The following CREG2 variants were observed in gnomAD, a reference collection of about 807,000 sequenced individuals.
CREG2 encodes cellular repressor of E1A stimulated genes 2.
Under a neutral mutation model 26.2 loss-of-function variants are expected in CREG2, and 24 were observed. The ratio of observed to expected loss-of-function variants is 0.92; its 90% CI spans 0.66 to 1.29. The LOEUF (loss-of-function observed/expected upper bound fraction) is 1.29, where lower values mean the gene tolerates loss of function less well. Ranked by LOEUF, CREG2 falls within the 50% of genes most tolerant of loss-of-function variation. The pLI is 0.00. For missense variants in CREG2, 366 were observed against 398.6 expected, an observed-to-expected ratio of 0.92 and a Z score of 0.70; for synonymous variants, 174 against 169.2, an observed-to-expected ratio of 1.03 and a Z score of -0.22.
chr2:101,355,225 G>A lies in CREG2; in HGVS notation c.725+28C>T, dbSNP rs780554306. ...GCTTATTAGTATTGTGTATTTCTGG[G>A]CATATAAATTTTAAAGCATTTACAC... On this transcript the variant is annotated intron_variant, in intron 3 of 3. Coordinates refer to ENST00000324768, the MANE Select transcript of CREG2 (RefSeq NM_153836.4). 5 of 1,353,864 alleles carry A rather than the reference G, an allele frequency of 3.7e-6. No homozygotes were observed. The African/African-American group carries it at 4.3e-5, about 12-fold the overall frequency. 83.9% of individuals were successfully genotyped at this position (1,353,864 alleles called of 1,614,324 possible).
chr2:101,376,523 G>A (rs1443438369), intron 2 of CREG2, among the ~76,000 whole-genome samples: 2 of 152,062 alleles, frequency 1.3e-5, no homozygotes, highest in Non-Finnish European at 2.9e-5. Context: ...CAAGTAATTT[G>A]CCTGCCTCGG....
intron 1 of CREG2, among the ~76,000 whole-genome samples, chr2:101,384,905 C>T (rs978277479): frequency 6.6e-6 from 1 of 152,038 alleles, no homozygotes; most frequent in African/African-American, 2.4e-5. Context: ...ACCTTCCCCT[C>T]TCTCTTGCTT....
chr2:101,362,520 G>A (rs947620177), intron 2 of CREG2, among the ~76,000 whole-genome samples: 1 of 152,128 alleles, frequency 6.6e-6, no homozygotes, highest in Non-Finnish European at 1.5e-5. Context: ...TGGTGGAGGC[G>A]TGCCCACCTA....
intron 2 of CREG2, 140 bp from the exon 3 acceptor site, chr2:101,355,506 T>C: frequency 1.6e-6 from 1 of 622,338 alleles, no homozygotes. Flanking sequence ...GGTTATATCA[T>C]TCAGGTTATG....
chr2:101,377,190 T>C (rs995468243), intron 2 of CREG2, among the ~76,000 whole-genome samples: 10 of 152,152 alleles, frequency 6.6e-5, no homozygotes, highest in African/African-American at 2.2e-4. Flanking sequence ...AAATATACTC[T>C]ATGAAAAGAA....
chr2:101,367,575 A>G (rs1684636815), intron 2 of CREG2, among the ~76,000 whole-genome samples: 1 of 152,200 alleles, frequency 6.6e-6, no homozygotes, highest in African/African-American at 2.4e-5. Context: ...ATCCTGAGGT[A>G]GGTGGAATAG....
chr2:101,387,178 CCCGG>C lies in CREG2; in HGVS notation c.276_279del (p.Arg93ProfsTer82), dbSNP rs1684986168. ...CCGGGTGGCGCGGGGGGCGGCCTGG[CCCGG>C]GCGGCGCCCGCCCGGGGCCGCAGGT... is the stretch of plus-strand genomic sequence containing the variant. On this transcript the variant is annotated frameshift_variant, in exon 1 of 4. Coordinates refer to ENST00000324768, the MANE Select transcript of CREG2 (RefSeq NM_153836.4). LOFTEE classifies it high-confidence loss of function. The surrounding 1 kb of genome is among the most constrained non-coding windows in gnomAD (Gnocchi z 4.7). 3.8e-6 allele frequency: 5 copies of C among 1,324,018 alleles called. No individual in the cohort carries two copies. Among genetic ancestry groups the C allele is most frequent in the Admixed American group, 3.2e-5 (1 of 31,360 alleles). 82.0% of individuals were successfully genotyped at this position (1,324,018 alleles called of 1,614,324 possible).
chr2:101,383,807 G>A, intron 1 of CREG2, 105 bp from the exon 2 acceptor site: 1 of 1,060,102 alleles, frequency 9.4e-7, no homozygotes, highest in Admixed American at 2.4e-5. Flanking sequence ...CAGGGATGAG[G>A]GGGGATCATG....
intron 2 of CREG2, among the ~76,000 whole-genome samples, chr2:101,371,206 A>G (rs1453285999): frequency 6.6e-6 from 1 of 152,156 alleles, no homozygotes; most frequent in Non-Finnish European, 1.5e-5. Flanking sequence ...CTTTTTCTGC[A>G]TCACGGAGGA....
At chr2:101,366,235 G>A (rs1020965197) in intron 2 of CREG2, among the ~76,000 whole-genome samples, 3 of 152,100 alleles carry the variant, frequency 2.0e-5, no homozygotes, top group South Asian at 4.1e-4. Flanking sequence ...TTCAACAGCC[G>A]TTCCAGAATC....
At chr2:101,365,307 C>G (rs1684604013) in intron 2 of CREG2, among the ~76,000 whole-genome samples, 2 of 152,160 alleles carry the variant, frequency 1.3e-5, no homozygotes, top group Admixed American at 1.3e-4. Context: ...TTCAGACATC[C>G]CAGCTTGTCA....
intron 2 of CREG2, among the ~76,000 whole-genome samples, chr2:101,372,043 G>A (rs1388984380): frequency 6.6e-6 from 1 of 151,168 alleles, no homozygotes. Flanking sequence ...AGGAGCTGGA[G>A]ATGATGGGTA....
chr2:101,386,458 G>A (rs917914363), intron 1 of CREG2, among the ~76,000 whole-genome samples: 10 of 152,296 alleles, frequency 6.6e-5, no homozygotes, highest in African/African-American at 1.9e-4. Flanking sequence ...AAAGTGCAGC[G>A]AATAGCTCAT....
Position 101,351,170 on chromosome 2 carries a change from T to C in CREG2, c.726-100A>G, listed in dbSNP as rs536403927. On this transcript the variant is annotated intron_variant, in intron 3 of 3. Transcript: ENST00000324768. ...TCCAGAGTCCAGGCCTCATTTGGGC[T>C]GACAGCTGCTCACATCAGCCAGAGG... 8.4e-6 allele frequency: 10 copies of C among 1,189,120 alleles called. No individual in the cohort carries two copies. In the African/African-American group the frequency reaches 1.2e-4, roughly 15 times the overall value. 73.7% of individuals were successfully genotyped at this position (1,189,120 alleles called of 1,614,324 possible).
rs1260621288 is a variant in CREG2, at chr2:101,347,962, T to C, written c.*2961A>G. 1 of 152,244 alleles carries C rather than the reference T, an allele frequency of 6.6e-6. No homozygotes were observed. Among genetic ancestry groups the C allele is most frequent in the East Asian group, 1.9e-4 (1 of 5,206 alleles). The allele number at this position is 152,244 out of a possible 1,614,324, so 9.4% of individuals were successfully genotyped here. A position where few individuals can be genotyped will look rare whatever the true frequency, so the allele number is the denominator to read the frequency against. On this transcript the variant is annotated 3_prime_UTR_variant, in exon 4 of 4. Coordinates refer to ENST00000324768, the MANE Select transcript of CREG2 (RefSeq NM_153836.4). ...GTTTTACATTTTATTTTTACAGATA[T>C]GATCTGAGTTAATTTTTGCATAAGG...
intron 2 of CREG2, 133 bp downstream of exon 2, chr2:101,383,400 T>C: frequency 1.2e-6 from 1 of 813,848 alleles, no homozygotes. Flanking sequence ...CTAATTTATC[T>C]GATTTCAAGG....
chr2:101,355,482 T>TA, intron 2 of CREG2, 116 bp from the exon 3 acceptor site: 1 of 663,572 alleles, frequency 1.5e-6, no homozygotes, highest in Non-Finnish European at 2.7e-6. Context: ...ATCATTCAGG[T>TA]TATGGATATT....
At position 101,382,278 on chromosome 2, in the gene CREG2, C is replaced by T. The variant is rs141647266; in HGVS notation, c.611+1255G>A. 4.1e-3 allele frequency: 635 copies of T among 155,596 alleles called. 6 individuals are homozygous for T. The highest frequency in any genetic ancestry group is 0.014 in the African/African-American group (592 of 41,540). The allele number at this position is 155,596 out of a possible 1,614,324, so 9.6% of individuals were successfully genotyped here. A position where few individuals can be genotyped will look rare whatever the true frequency, so the allele number is the denominator to read the frequency against. On this transcript the variant is annotated intron_variant, in intron 2 of 3. Transcript: ENST00000324768. ...ACTAAAAATACAAAAATTAGCCAGG[C>T]GTGGTGGTGGACACCTGTAATCCCA...
At chr2:101,365,088 G>A (rs892277434) in intron 2 of CREG2, among the ~76,000 whole-genome samples, 3 of 152,212 alleles carry the variant, frequency 2.0e-5, no homozygotes, top group Non-Finnish European at 2.9e-5. Flanking sequence ...AGTGTAGGAT[G>A]CGCCTTCCAC....
Sources: gnomAD v4.1 joint callset for allele counts (sites outside exome capture counted in the v4.1 genomes callset) on GRCh38, gnomAD v4.1.1 for gene constraint, Gnocchi (gnomAD v3.1) non-coding constraint, MANE v1.5 for transcripts, NCBI Gene and HGNC (gene_info 2026-07-23, HGNC 2026-07-21) for gene names.